The following ZNF568 variants were observed in gnomAD, a reference collection of about 807,000 sequenced individuals.
ZNF568 encodes zinc finger protein 568.
Under a neutral mutation model 18.1 loss-of-function variants are expected in ZNF568, and 11 were observed. That is an observed-to-expected ratio of 0.61 (90% CI 0.38 to 1.00). The LOEUF (loss-of-function observed/expected upper bound fraction) is 1.00, where lower values mean the gene tolerates loss of function less well. Among genes scored for constraint, ZNF568 ranks in the 50% least tolerant of loss-of-function variants. The probability of loss-of-function intolerance (pLI) is 0.01; values close to 1 mark genes in which losing one functional copy is unlikely to be tolerated. For synonymous variants in ZNF568, 213 were observed against 246.6 expected, an observed-to-expected ratio of 0.86 and a Z score of 1.28; for missense variants, 639 against 768.2, an observed-to-expected ratio of 0.83 and a Z score of 1.99.
intron 4 of ZNF568, among the ~76,000 whole-genome samples, chr19:36,995,331 G>A (rs1330935597): frequency 6.6e-6 from 1 of 152,108 alleles, no homozygotes; most frequent in African/African-American, 2.4e-5. Context: ...CCCAGTGAGT[G>A]GAGGTTGCAA....
At chr19:36,970,408 C>G (rs549598778) in intron 6 of ZNF568, among the ~76,000 whole-genome samples, 1 of 150,444 alleles carries the variant, frequency 6.6e-6, no homozygotes, top group African/African-American at 2.5e-5. Context: ...TGCAGTGCCC[C>G]AATCTTGGCT....
At position 36,950,679 on chromosome 19, in the gene ZNF568, A is replaced by G; in HGVS notation, c.1526A>G (p.Lys509Arg). ...CCCTATGCATGTACAGTATGTGGAA[A>G]AGCCTTTAGTCAGAAATCAAACCTC... The part of the protein sequence containing the change: ...EKPYACTVCG[K>R]AFSQKSNLTE... The change falls in exon 7 of 7, where the codon AAA becomes AGA. Residue 509 changes from lysine (K) to arginine (R), a missense_variant. By Grantham distance (26) the Lys-to-Arg change is conservative. Transcript: ENST00000333987. 1 of 1,613,958 alleles carries G rather than the reference A, an allele frequency of 6.2e-7. No individual in the cohort carries two copies. Among genetic ancestry groups the G allele is most frequent in the Non-Finnish European group, 8.5e-7 (1 of 1,179,958 alleles).
At chr19:36,994,017 GT>G (rs998787955) in intron 4 of ZNF568, among the ~76,000 whole-genome samples, 17 of 133,252 alleles carry the variant, frequency 1.3e-4, no homozygotes, top group South Asian at 2.4e-4. Context: ...AGATATCTCT[GT>G]TTTTTTTTCT....
At chr19:36,962,015 AG>A (rs2074154737) in intron 6 of ZNF568, among the ~76,000 whole-genome samples, 1 of 150,148 alleles carries the variant, frequency 6.7e-6, no homozygotes, top group Non-Finnish European at 1.5e-5. Context: ...TGTGTTGCCC[AG>A]GCTAGTCTTG....
rs1032052810 is a variant in ZNF568 at position 36,946,085 on chromosome 19, C to T, written c.359-3427C>T. ...ACTCCAGCCTGGCGACAGAGTGAGA[C>T]TCTGTCTCAAAATAATAATAATGAT... On this transcript the variant is annotated intron_variant, in intron 6 of 6. Coordinates refer to ENST00000333987, the MANE Select transcript of ZNF568 (RefSeq NM_198539.4). Among the ~76,000 whole-genome samples the T allele has an allele frequency of 8.6e-5, 13 of 151,930 alleles. No individual in the cohort carries two copies. The Middle Eastern group carries it at 0.014, about 159-fold the overall frequency.
chr19:36,982,999 A>G (rs1024450472), downstream of ZNF568, among the ~76,000 whole-genome samples: 1 of 152,252 alleles, frequency 6.6e-6, no homozygotes, highest in Admixed American at 6.5e-5. Flanking sequence ...CCTGTGAACC[A>G]AGATTGTTTT....
chr19:36,928,116 A>G (rs1038177412), intron 4 of ZNF568, among the ~76,000 whole-genome samples: 1 of 150,634 alleles, frequency 6.6e-6, no homozygotes, highest in Non-Finnish European at 1.5e-5. Context: ...GGGTTTCGCC[A>G]TGTTGGCCAG....
At chr19:36,979,427 A>G (rs1184125439) in exon 8 of ZNF568, 1 of 152,112 alleles carries the variant, frequency 6.6e-6, no homozygotes, top group Non-Finnish European at 1.5e-5. Context: ...CCCAATCTAA[A>G]TCCCCTTCTT....
At chr19:36,958,711 C>G (rs531130531) in intron 6 of ZNF568, among the ~76,000 whole-genome samples, 1 of 149,412 alleles carries the variant, frequency 6.7e-6, no homozygotes, top group Non-Finnish European at 1.5e-5. Context: ...CTCCACCTCC[C>G]GGGTTCAAGC....
chr19:36,969,694 C>T (rs969548711), intron 6 of ZNF568, among the ~76,000 whole-genome samples: 3 of 151,556 alleles, frequency 2.0e-5, no homozygotes, highest in African/African-American at 7.3e-5. Flanking sequence ...TCATGATTTC[C>T]TCTCTGACTC....
downstream of ZNF568, among the ~76,000 whole-genome samples, chr19:36,957,333 C>T (rs917852255): frequency 2.7e-5 from 4 of 147,154 alleles, no homozygotes; most frequent in Non-Finnish European, 5.9e-5. Context: ...CCGGGTTAAG[C>T]GATTCTCCCT....
At chr19:36,980,551 C>G (rs2074322924), downstream of ZNF568, among the ~76,000 whole-genome samples, 1 of 152,132 alleles carries the variant, frequency 6.6e-6, no homozygotes, top group Non-Finnish European at 1.5e-5. Flanking sequence ...GCTACAAATT[C>G]AGGTATTTCC....
intron 2 of ZNF568, 82 bp from the exon 3 acceptor site, chr19:36,922,504 T>C: frequency 2.9e-6 from 1 of 348,128 alleles, no homozygotes; most frequent in South Asian, 6.9e-5. Context: ...CGGTGGTCAC[T>C]GGGGGCCATC....
intron 2 of ZNF568, among the ~76,000 whole-genome samples, chr19:36,919,635 C>A (rs1019622489): frequency 2.0e-5 from 3 of 152,142 alleles, no homozygotes; most frequent in African/African-American, 7.2e-5. Context: ...CACTCACCTG[C>A]TGCTCACTTC....
intron 2 of ZNF568, chr19:36,991,140 G>T: frequency 6.6e-7 from 1 of 1,510,324 alleles, no homozygotes; most frequent in Non-Finnish European, 8.8e-7. Flanking sequence ...TTTTGTCCAT[G>T]AATTTCACAA....
chr19:36,977,478 C>T (rs550353728), intron 7 of ZNF568, among the ~76,000 whole-genome samples: 1 of 152,092 alleles, frequency 6.6e-6, no homozygotes, highest in African/African-American at 2.4e-5. Flanking sequence ...TTAATTCTGG[C>T]CAGTCCTCAA....
intron 4 of ZNF568, among the ~76,000 whole-genome samples, chr19:36,935,187 G>T (rs763912120): frequency 6.9e-6 from 1 of 145,172 alleles, no homozygotes. Context: ...TTCTATAGGT[G>T]TCTGTTAGAT....
chr19:36,948,658 A>ATTTTTTTGTTTTTTTTTTTTTTTT (rs2074004710), intron 6 of ZNF568, among the ~76,000 whole-genome samples: 1 of 83,576 alleles, frequency 1.2e-5, no homozygotes, highest in Non-Finnish European at 2.2e-5. Context: ...TTTGTTGTTG[A>ATTTTTTTGTTTTTTTTTTTTTTTT]TTTTTTTTTT....
chr19:36,952,949 G>A (rs1185732938), downstream of ZNF568, among the ~76,000 whole-genome samples: 1 of 152,126 alleles, frequency 6.6e-6, no homozygotes. Context: ...ACTTGATGAT[G>A]CTGTGTTTTT....
Sources: allele counts gnomAD v4.1 joint callset (sites outside exome capture counted in the v4.1 genomes callset), GRCh38; gene constraint gnomAD v4.1.1; transcripts MANE v1.5; gene names NCBI Gene and HGNC (gene_info 2026-07-23, HGNC 2026-07-21).